DOCK8: variants seen among roughly 807,000 people sequenced by gnomAD.
DOCK8 encodes the protein dedicator of cytokinesis protein 8.
A neutral mutation model predicts 245.6 loss-of-function variants in DOCK8; 141 were observed. That is an observed-to-expected ratio of 0.57 (90% CI 0.50 to 0.66). DOCK8 has a LOEUF of 0.66. DOCK8 is among the 30% of genes least tolerant of loss of function. The probability of loss-of-function intolerance (pLI) is 0.00; values close to 1 mark genes in which losing one functional copy is unlikely to be tolerated. For missense variants in DOCK8, 2,965 were observed against 2,603.4 expected (o/e 1.14, Z -3.02); for synonymous variants, 1,168 against 970.2 (o/e 1.20, Z -3.79).
intron 46 of DOCK8, among the ~76,000 whole-genome samples, chr9:456,021 A>C (rs545910592): frequency 4.4e-4 from 67 of 152,316 alleles, no homozygotes; most frequent in African/African-American, 1.2e-3. Flanking sequence ...ACAAAACAGT[A>C]CTGCTGCTCA....
At chr9:276,791 T>C (rs1271211488) in intron 2 of DOCK8, among the ~76,000 whole-genome samples, 2 of 152,160 alleles carry the variant, frequency 1.3e-5, no homozygotes, top group African/African-American at 2.4e-5. Context: ...AACTGTAATA[T>C]ACTATTGTCT....
At chr9:442,891 CAA>C (rs573323454) in intron 42 of DOCK8, among the ~76,000 whole-genome samples, 1 of 152,024 alleles carries the variant, frequency 6.6e-6, no homozygotes, top group African/African-American at 2.4e-5. Flanking sequence ...CCATCCATGC[CAA>C]AAAAGACAAG....
rs1233831449 is a variant in DOCK8, at chr9:289,510, G to C, written c.333G>C (p.Gly111=). The part of the protein sequence containing the change: ...RTLQPSLPEE[G]VELDPHVRDC... ...TTTATTTCATTTTCTACCTCATTAG[G>C]GTTGAACTGGACCCTCATGTCAGGG... Residue 111 remains glycine, a splice_region_variant and synonymous_variant, in exon 4 of 48, where the codon GGG becomes GGC. Coordinates refer to ENST00000432829, the MANE Select transcript of DOCK8 (RefSeq NM_203447.4). 2 of 1,613,176 alleles carry C rather than the reference G, an allele frequency of 1.2e-6. No homozygotes were observed. The highest frequency in any genetic ancestry group is 1.3e-5 in the African/African-American group (1 of 74,964).
At chr9:258,246 C>T (rs756091923) in intron 1 of DOCK8, among the ~76,000 whole-genome samples, 2 of 152,214 alleles carry the variant, frequency 1.3e-5, no homozygotes, top group Non-Finnish European at 2.9e-5. Context: ...ACTGAAGTCA[C>T]GTCACTAAGT....
At chr9:386,032 G>A (rs1444617426) in intron 22 of DOCK8, among the ~76,000 whole-genome samples, 10 of 151,954 alleles carry the variant, frequency 6.6e-5, no homozygotes, top group African/African-American at 1.7e-4. Flanking sequence ...TTTTCCTGGC[G>A]TCCCCTGAAG....
intron 2 of DOCK8, among the ~76,000 whole-genome samples, chr9:284,153 T>G (rs1265571607): frequency 6.6e-6 from 1 of 152,150 alleles, no homozygotes; most frequent in Non-Finnish European, 1.5e-5. Flanking sequence ...CATGTGGTGG[T>G]TGGGTGGCGT....
intron 39 of DOCK8, among the ~76,000 whole-genome samples, chr9:436,924 C>T (rs1250762238): frequency 6.6e-6 from 1 of 152,008 alleles, no homozygotes; most frequent in African/African-American, 2.4e-5. Context: ...TGGTCCAGGC[C>T]CTGTGGGTCA....
At chr9:242,562 G>A (rs1019580669) in intron 1 of DOCK8, among the ~76,000 whole-genome samples, 3 of 152,144 alleles carry the variant, frequency 2.0e-5, no homozygotes, top group African/African-American at 7.2e-5. Context: ...TATAAGTCTT[G>A]TAATAGCCCA....
Position 361,442 on chromosome 9 carries a change from A to G in DOCK8, c.1680-6576A>G, listed in dbSNP as rs780257249. Among the ~76,000 whole-genome samples, 187 of 152,210 alleles carry G rather than the reference A, an allele frequency of 1.2e-3. 1 individual carries two copies. Among genetic ancestry groups the G allele is most frequent in the Non-Finnish European group, 9.4e-4 (64 of 68,030 alleles). On this transcript the variant is annotated intron_variant, in intron 14 of 47. Coordinates refer to ENST00000432829, the MANE Select transcript of DOCK8 (RefSeq NM_203447.4). ...TAAGAAGATCATCTTAATTAGTATCATACTTTGCAGCTTTCAAGCAGTTCT... is the reference window on the plus strand; with the variant it reads ...TAAGAAGATCATCTTAATTAGTATCGTACTTTGCAGCTTTCAAGCAGTTCT...
At chr9:441,226 T>A in intron 40 of DOCK8, 60 bp from the exon 41 acceptor site, 1 of 1,607,044 alleles carries the variant, frequency 6.2e-7, no homozygotes, top group South Asian at 1.1e-5. Flanking sequence ...GACCTCTGGT[T>A]GCTCTTCTTA....
chr9:231,753 C>G (rs1031554304), intron 1 of DOCK8, among the ~76,000 whole-genome samples: 12 of 152,090 alleles, frequency 7.9e-5, no homozygotes, highest in African/African-American at 2.7e-4. Context: ...GATTTTGTAT[C>G]CTGAGACTTT....
At chr9:344,938 G>A (rs2051803390) in intron 14 of DOCK8, among the ~76,000 whole-genome samples, 1 of 152,116 alleles carries the variant, frequency 6.6e-6, no homozygotes, top group Non-Finnish European at 1.5e-5. Context: ...TGTAATCCCA[G>A]CTACTCAGGA....
At chr9:276,095 T>C (rs1307037075) in intron 2 of DOCK8, among the ~76,000 whole-genome samples, 4 of 152,026 alleles carry the variant, frequency 2.6e-5, no homozygotes, top group African/African-American at 9.7e-5. Context: ...TTCGCCATGT[T>C]GGCCAGGCTG....
chr9:242,175 T>C (rs575201105), intron 1 of DOCK8, among the ~76,000 whole-genome samples: 1 of 152,312 alleles, frequency 6.6e-6, no homozygotes, highest in South Asian at 2.1e-4. Context: ...TAAAGTTCAT[T>C]TCAGGGCTAA....
chr9:343,088 G>C (rs1342218900), intron 14 of DOCK8, among the ~76,000 whole-genome samples: 1 of 152,096 alleles, frequency 6.6e-6, no homozygotes, highest in Admixed American at 6.6e-5. Context: ...ACGTATGTGG[G>C]ACTAAAATGC....
intron 5 of DOCK8, among the ~76,000 whole-genome samples, chr9:307,322 G>A (rs1206621270): frequency 7.2e-6 from 1 of 138,548 alleles, no homozygotes; most frequent in Non-Finnish European, 1.5e-5. Flanking sequence ...TCACTGTGTT[G>A]TGTGTGGTTT....
At chr9:233,058 A>T (rs1051814510) in intron 1 of DOCK8, among the ~76,000 whole-genome samples, 1 of 152,042 alleles carries the variant, frequency 6.6e-6, no homozygotes, top group African/African-American at 2.4e-5. Context: ...CCCTCTACAC[A>T]CTGCTTTGAA....
intron 15 of DOCK8, chr9:368,447 G>C (rs2053119159): frequency 1.6e-6 from 1 of 613,522 alleles, no homozygotes; most frequent in Non-Finnish European, 2.9e-6. Flanking sequence ...AAAGTAAAGA[G>C]ATGGCTCAAC....
chr9:333,133 C>G (rs748916449), intron 10 of DOCK8, among the ~76,000 whole-genome samples: 1 of 152,194 alleles, frequency 6.6e-6, no homozygotes, highest in African/African-American at 2.4e-5. Flanking sequence ...TGCCAGAGCT[C>G]TCCTGGCCTT....
Sources: allele counts gnomAD v4.1 joint callset (sites outside exome capture counted in the v4.1 genomes callset), GRCh38; gene constraint gnomAD v4.1.1; transcripts MANE v1.5; gene names NCBI Gene and HGNC (gene_info 2026-07-23, HGNC 2026-07-21).